The following AP1M1 variants were observed in gnomAD, a reference collection of about 807,000 sequenced individuals.
AP1M1 encodes the protein AP-1 complex subunit mu-1.
In AP1M1, 18 loss-of-function variants were observed where a neutral mutation model predicts 57.1. The observed-to-expected ratio is 0.32, with a 90% CI of 0.22 to 0.47. The LOEUF (loss-of-function observed/expected upper bound fraction) is 0.47. Ranked by LOEUF, AP1M1 falls within the 20% of genes least tolerant of loss-of-function variation. The pLI, the probability that AP1M1 is intolerant of heterozygous loss-of-function variation, is 1.00. For missense variants in AP1M1, 362 were observed against 593.5 expected, an observed-to-expected ratio of 0.61 and a Z score of 4.05; for synonymous variants, 241 against 237.9, an observed-to-expected ratio of 1.01 and a Z score of -0.12.
intron 5 of AP1M1, among the ~76,000 whole-genome samples, chr19:16,213,750 C>A (rs534484903): frequency 5.3e-5 from 8 of 152,198 alleles, no homozygotes; most frequent in Admixed American, 5.2e-4. Context: ...GCCTCGGCCT[C>A]CCAAAGTGCT....
At chr19:16,209,242 C>A in intron 5 of AP1M1, 65 bp downstream of exon 5, 1 of 1,571,924 alleles carries the variant, frequency 6.4e-7, no homozygotes, top group Non-Finnish European at 8.7e-7. Context: ...ATAAACACAG[C>A]ATTTTAAAAC....
rs535631817 is a variant in AP1M1 at position 16,242,156 on chromosome 19, A to G, written c.*7721A>G. ...CAACATGGAGAAACTCTGTCTCTAC[A>G]AAAATTAGCCAGGCATGGTGGCGCA... On this transcript the variant is annotated 3_prime_UTR_variant, in exon 12 of 12. Coordinates refer to ENST00000291439, the MANE Select transcript of AP1M1 (RefSeq NM_032493.4). 2 of 152,252 alleles carry G rather than the reference A, an allele frequency of 1.3e-5. No homozygotes were observed. Among genetic ancestry groups the G allele is most frequent in the South Asian group, 2.1e-4 (1 of 4,812 alleles). 9.4% of individuals were successfully genotyped at this position (152,252 alleles called of 1,614,324 possible).
intron 1 of AP1M1, 69 bp downstream of exon 1, chr19:16,198,137 C>G: frequency 6.4e-7 from 1 of 1,569,018 alleles, no homozygotes; most frequent in Non-Finnish European, 8.7e-7. Flanking sequence ...GGGGACCCAC[C>G]CTGTTGCTAG....
rs2091456653 is a variant in AP1M1 at position 16,203,365 on chromosome 19, G to A, written c.43-94G>A. On this transcript the variant is annotated intron_variant, in intron 1 of 11. Coordinates refer to ENST00000291439, the MANE Select transcript of AP1M1 (RefSeq NM_032493.4). The surrounding 1 kb of genome is among the most constrained non-coding windows in gnomAD (Gnocchi z 4.6). ...AGTGGCCATGACCGGAGTCCCCAGA[G>A]CGAAGCAGGGTGGTGCATCTCACCC... is the stretch of plus-strand genomic sequence containing the variant. 22 of 1,357,674 alleles carry A rather than the reference G, an allele frequency of 1.6e-5. No homozygotes were observed. The highest frequency in any genetic ancestry group is 1.9e-4 in the Middle Eastern group (1 of 5,192). 84.1% of individuals were successfully genotyped at this position (1,357,674 alleles called of 1,614,324 possible).
At chr19:16,209,312 C>T in intron 5 of AP1M1, 135 bp downstream of exon 5, 1 of 981,306 alleles carries the variant, frequency 1.0e-6, no homozygotes, top group South Asian at 1.7e-5. Flanking sequence ...GTTTGGGCCA[C>T]TCATTGAAAT....
rs376660303 is a variant in AP1M1 at position 16,206,338 on chromosome 19, C to G, written c.200-3C>G. On this transcript the variant is annotated splice_polypyrimidine_tract_variant and splice_region_variant and intron_variant, in intron 2 of 11. Coordinates refer to ENST00000291439, the MANE Select transcript of AP1M1 (RefSeq NM_032493.4). The surrounding 1 kb of genome is among the most constrained non-coding windows in gnomAD (Gnocchi z 4.3). ...ATGCTCCTTAACTGTGGCCGCCATGCAGTGGTTGCCACATCCAAGAAGAAC... is the reference window on the plus strand; with the variant it reads ...ATGCTCCTTAACTGTGGCCGCCATGGAGTGGTTGCCACATCCAAGAAGAAC... 1 of 1,614,106 alleles carries G rather than the reference C, an allele frequency of 6.2e-7. No homozygotes were observed. Among genetic ancestry groups the G allele is most frequent in the Non-Finnish European group, 8.5e-7 (1 of 1,179,976 alleles).
chr19:16,206,239 G>A lies in AP1M1; in HGVS notation c.200-102G>A. Reference sequence around the variant, plus strand: ...AACGGCTGGGAGTGGGGATAGGGAAGGCTCTGAGGGTTGTGAGGGTTAGGG... The same window carrying A: ...AACGGCTGGGAGTGGGGATAGGGAAAGCTCTGAGGGTTGTGAGGGTTAGGG... On this transcript the variant is annotated intron_variant, in intron 2 of 11. Transcript: ENST00000291439. This position sits in a 1 kb window ranked among gnomAD's most constrained non-coding sequence, Gnocchi z 4.3. 5 of 1,187,972 alleles carry A rather than the reference G, an allele frequency of 4.2e-6. No individual in the cohort carries two copies. Among genetic ancestry groups the A allele is most frequent in the Non-Finnish European group, 6.2e-6 (5 of 811,632 alleles). The allele number at this position is 1,187,972 out of a possible 1,614,324, so 73.6% of individuals were successfully genotyped here. A position where few individuals can be genotyped will look rare whatever the true frequency, so the allele number is the denominator to read the frequency against.
At chr19:16,198,284 T>G in intron 1 of AP1M1, 2 of 345,288 alleles carry the variant, frequency 5.8e-6, no homozygotes, top group Non-Finnish European at 5.2e-6. Context: ...CGTAACGCGG[T>G]GGGCTGCAGC....
At chr19:16,208,988 T>C in intron 4 of AP1M1, 42 bp from the exon 5 acceptor site, 2 of 1,593,722 alleles carry the variant, frequency 1.3e-6, no homozygotes, top group East Asian at 2.3e-5. Flanking sequence ...GTGGCGTTGG[T>C]GCGGGTACCA....
In AP1M1 at chr19:16,209,072, G is replaced by A. The variant is rs373845816; in HGVS notation, c.441G>A (p.Pro147=). The A allele has an allele frequency of 1.8e-5, 29 of 1,614,050 alleles. No homozygotes were observed. The highest frequency in any genetic ancestry group is 6.7e-5 in the East Asian group (3 of 44,896). The stretch of plus-strand genomic sequence containing the variant: ...GCCACAAGCTGGAAACAGGGGCCCC[G>A]CGGCCACCAGCCACCGTCACCAACG... The part of the protein sequence containing the change: ...QEGHKLETGA[P]RPPATVTNAV... Residue 147 remains proline (P), a synonymous_variant, in exon 5 of 12, where the codon CCG becomes CCA. Coordinates refer to ENST00000291439, the MANE Select transcript of AP1M1 (RefSeq NM_032493.4).
intron 5 of AP1M1, among the ~76,000 whole-genome samples, chr19:16,214,119 G>T (rs2145124134): frequency 6.7e-6 from 1 of 148,326 alleles, no homozygotes; most frequent in East Asian, 2.0e-4. Context: ...CGTGATCTTG[G>T]CTCACTGCAA....
chr19:16,236,441 G>T lies in AP1M1; in HGVS notation c.*2006G>T, dbSNP rs2091625206. 6.6e-6 allele frequency: 1 copy of T among 152,214 alleles called. No individual in the cohort carries two copies. Among genetic ancestry groups the T allele is most frequent in the Non-Finnish European group, 1.5e-5 (1 of 68,056 alleles). The allele number at this position is 152,214 out of a possible 1,614,324, so 9.4% of individuals were successfully genotyped here. A position where few individuals can be genotyped will look rare whatever the true frequency, so the allele number is the denominator to read the frequency against. ...GGAAGTAGACGCGGAAGACACCGTG[G>T]GGGCTCACACCGGAGTTGCTCTTGG... is the stretch of plus-strand genomic sequence containing the variant. On this transcript the variant is annotated 3_prime_UTR_variant, in exon 12 of 12. Transcript: ENST00000291439.
intron 5 of AP1M1, among the ~76,000 whole-genome samples, chr19:16,213,615 C>T (rs1278030085): frequency 1.3e-5 from 2 of 152,122 alleles, no homozygotes; most frequent in Admixed American, 1.3e-4. Flanking sequence ...CTGCCTCAGC[C>T]TCCCAAATAG....
intron 5 of AP1M1, among the ~76,000 whole-genome samples, chr19:16,221,765 G>A (rs896083904): frequency 6.6e-6 from 1 of 152,188 alleles, no homozygotes; most frequent in African/African-American, 2.4e-5. Context: ...ACTTTGAAGA[G>A]GAACTTTTTT....
intron 5 of AP1M1, chr19:16,210,514 A>G (rs2091489105): frequency 4.6e-6 from 3 of 656,574 alleles, no homozygotes; most frequent in Non-Finnish European, 8.4e-6. Context: ...TATTTTTGTC[A>G]TCCTAATAGG....
Position 16,237,052 on chromosome 19 carries a change from C to T in AP1M1, c.*2617C>T, listed in dbSNP as rs1035500606. The T allele has an allele frequency of 3.3e-5, 5 of 152,198 alleles. No homozygotes were observed. The highest frequency in any genetic ancestry group is 6.5e-5 in the Admixed American group (1 of 15,284). The allele number at this position is 152,198 out of a possible 1,614,324, so 9.4% of individuals were successfully genotyped here. On this transcript the variant is annotated 3_prime_UTR_variant, in exon 12 of 12. Coordinates refer to ENST00000291439, the MANE Select transcript of AP1M1 (RefSeq NM_032493.4). ...TCCAACAAGGCAAATAATTTGCATG[C>T]GGGTTATAACGTCTACAAATCAGAA...
intron 1 of AP1M1, among the ~76,000 whole-genome samples, chr19:16,201,453 C>A (rs1282915798): frequency 1.8e-5 from 1 of 54,786 alleles, no homozygotes; most frequent in East Asian, 5.4e-4. Context: ...AGCTGGAGTG[C>A]AATGGCACAA....
chr19:16,204,353 C>T lies in AP1M1; in HGVS notation c.199+738C>T, dbSNP rs115676449. Among the ~76,000 whole-genome samples, 590 of 152,278 alleles carry T rather than the reference C, an allele frequency of 3.9e-3. 7 individuals carry two copies. Among genetic ancestry groups the T allele is most frequent in the African/African-American group, 0.012 (515 of 41,546 alleles). ...GCCACCCCACAGCTTTGGGCAGACC[C>T]GCAAGCCCATCTCAGTACCCACACT... On this transcript the variant is annotated intron_variant, in intron 2 of 11. Transcript: ENST00000291439.
At chr19:16,231,475 CG>C in intron 9 of AP1M1, among the ~76,000 whole-genome samples, 1 of 151,654 alleles carries the variant, frequency 6.6e-6, no homozygotes, top group East Asian at 2.0e-4. Flanking sequence ...GGCACGATCT[CG>C]GCTTACTGCA....
Sources: gnomAD v4.1 joint callset for allele counts (sites outside exome capture counted in the v4.1 genomes callset) on GRCh38, gnomAD v4.1.1 for gene constraint, Gnocchi (gnomAD v3.1) non-coding constraint, MANE v1.5 for transcripts, NCBI Gene and HGNC (gene_info 2026-07-23, HGNC 2026-07-21) for gene names.